DPH6: variants seen among roughly 807,000 people sequenced by gnomAD.
DPH6 encodes the protein diphthamine biosynthesis 6, also known as diphthine--ammonia ligase.
DPH6 carries 33 observed loss-of-function variants against 38.2 expected under a neutral mutation model. The observed-to-expected ratio is 0.86, with a 90% CI of 0.65 to 1.15. The LOEUF (loss-of-function observed/expected upper bound fraction) is 1.15. Among genes scored for constraint, DPH6 ranks in the 50% most tolerant of loss-of-function variants. DPH6 has a pLI of 0.00. For synonymous variants in DPH6, 108 were observed against 103.0 expected (o/e 1.05, Z -0.30); for missense variants, 325 against 320.0 (o/e 1.02, Z -0.12).
chr15:35,307,392 A>G (rs560216435), intron 3 of DPH6, among the ~76,000 whole-genome samples: 2 of 152,326 alleles, frequency 1.3e-5, no homozygotes, highest in South Asian at 2.1e-4. Context: ...TTTGAATGCT[A>G]TAAAAGCAAA....
At chr15:35,320,248 T>G (rs1355934677) in intron 3 of DPH6, among the ~76,000 whole-genome samples, 1 of 152,230 alleles carries the variant, frequency 6.6e-6, no homozygotes, top group African/African-American at 2.4e-5. Flanking sequence ...TTGCTAAGTT[T>G]GATGCCTCTC....
chr15:35,343,630 C>T (rs1173298882), intron 3 of DPH6, among the ~76,000 whole-genome samples: 1 of 151,910 alleles, frequency 6.6e-6, no homozygotes, highest in East Asian at 1.9e-4. Flanking sequence ...GAAGATGATT[C>T]TTAGATAAAT....
chr15:35,245,072 G>C (rs2051626810), intron 3 of DPH6, among the ~76,000 whole-genome samples: 1 of 151,736 alleles, frequency 6.6e-6, no homozygotes, highest in Admixed American at 6.6e-5. Flanking sequence ...TTGTTAGTGT[G>C]ATTTAAATAT....
chr15:35,485,373 T>C lies in DPH6; in HGVS notation c.313-30553A>G, dbSNP rs937625099. ...ACTACACAAATTGTATGTGAGGATA[T>C]GTTATCATGTCAAAACAACTAAATT... On this transcript the variant is annotated intron_variant, in intron 3 of 8. Coordinates refer to ENST00000256538, the MANE Select transcript of DPH6 (RefSeq NM_080650.4). Among the ~76,000 whole-genome samples, 4 of 152,366 alleles carry C rather than the reference T, an allele frequency of 2.6e-5. No homozygotes were observed. In the East Asian group the frequency reaches 7.7e-4, roughly 29 times the overall value.
chr15:35,361,173 C>G (rs2052611146), intron 3 of DPH6, among the ~76,000 whole-genome samples: 1 of 152,184 alleles, frequency 6.6e-6, no homozygotes, highest in Admixed American at 6.5e-5. Context: ...GCTAGCCTGC[C>G]ACTGGGGCAT....
At chr15:35,223,328 T>A (rs951747772) in intron 3 of DPH6, among the ~76,000 whole-genome samples, 5 of 152,148 alleles carry the variant, frequency 3.3e-5, no homozygotes, top group African/African-American at 2.4e-5. Context: ...CATTTGTCCA[T>A]TGATGAGGGT....
chr15:35,351,340 T>A (rs1431193259), intron 3 of DPH6, among the ~76,000 whole-genome samples: 2 of 152,086 alleles, frequency 1.3e-5, no homozygotes, highest in Non-Finnish European at 2.9e-5. Flanking sequence ...GATTGTGTTG[T>A]TTTTTTATTT....
rs556740783 is a variant in DPH6 at position 35,229,278 on chromosome 15, T to C, written n.201-8696A>G. On this transcript the variant is annotated intron_variant and non_coding_transcript_variant, in intron 3 of 3. Transcript: ENST00000560386. ...CTATGTATTTTCAAATAGACTGTCT[T>C]CAAGTTCACTAATTCTTTCTTCTGC... Among the ~76,000 whole-genome samples, 12 of 152,118 alleles carry C rather than the reference T, an allele frequency of 7.9e-5. No homozygotes were observed. In the South Asian group the frequency reaches 2.5e-3, roughly 32 times the overall value.
chr15:35,192,395 C>A, the DPH6 span, among the ~76,000 whole-genome samples: 16 of 152,160 alleles, frequency 1.1e-4, no homozygotes, highest in African/African-American at 3.9e-4. Flanking sequence ...CTTTATTCTA[C>A]CTTATCCTTT....
chr15:35,394,041 C>T (rs954122033), intron 6 of DPH6, among the ~76,000 whole-genome samples: 1 of 152,134 alleles, frequency 6.6e-6, no homozygotes, highest in Non-Finnish European at 1.5e-5. Flanking sequence ...TTCCACATTA[C>T]TATATTTTCT....
At chr15:35,358,386 C>T (rs935119126) in intron 3 of DPH6, among the ~76,000 whole-genome samples, 3 of 152,088 alleles carry the variant, frequency 2.0e-5, no homozygotes, top group Non-Finnish European at 4.4e-5. Context: ...TCAGGTAAAT[C>T]AGGGATTTCT....
intron 6 of DPH6, among the ~76,000 whole-genome samples, chr15:35,397,090 T>C (rs2053143608): frequency 6.6e-6 from 1 of 152,248 alleles, no homozygotes; most frequent in South Asian, 2.1e-4. Flanking sequence ...GAAGTCTGTA[T>C]TTTTAAATAT....
chr15:35,156,413 C>A, the DPH6 span, among the ~76,000 whole-genome samples: 1 of 152,054 alleles, frequency 6.6e-6, no homozygotes, highest in Non-Finnish European at 1.5e-5. Context: ...TAATAAATAT[C>A]TTCTTTTGCA....
chr15:35,283,819 G>GC (rs2051919701), intron 3 of DPH6, among the ~76,000 whole-genome samples: 1 of 150,770 alleles, frequency 6.6e-6, no homozygotes, highest in Non-Finnish European at 1.5e-5. Flanking sequence ...ACTTCTGAAT[G>GC]CCCTGGAAAA....
At chr15:35,486,259 A>G (rs2054396368) in intron 3 of DPH6, among the ~76,000 whole-genome samples, 1 of 152,124 alleles carries the variant, frequency 6.6e-6, no homozygotes, top group African/African-American at 2.4e-5. Flanking sequence ...CTCTCCCATG[A>G]TCCAATTATC....
chr15:35,182,579 T>C, the DPH6 span, among the ~76,000 whole-genome samples: 1 of 152,130 alleles, frequency 6.6e-6, no homozygotes, highest in Non-Finnish European at 1.5e-5. Flanking sequence ...CAAATTTTCA[T>C]TACAAAATGA....
chr15:35,462,166 C>T (rs990894291), intron 3 of DPH6, among the ~76,000 whole-genome samples: 10 of 152,150 alleles, frequency 6.6e-5, no homozygotes, highest in African/African-American at 2.4e-4. Flanking sequence ...ATCACCTCCA[C>T]TACTACCACT....
chr15:35,257,169 A>G (rs2051714065), intron 3 of DPH6, among the ~76,000 whole-genome samples: 1 of 152,210 alleles, frequency 6.6e-6, no homozygotes, highest in African/African-American at 2.4e-5. Flanking sequence ...AGCATAGCAT[A>G]CCAGGAAAGG....
At chr15:35,331,836 G>A (rs2052329132) in intron 3 of DPH6, among the ~76,000 whole-genome samples, 2 of 152,164 alleles carry the variant, frequency 1.3e-5, no homozygotes, top group Non-Finnish European at 2.9e-5. Context: ...GTTCCTGCAG[G>A]TGGTGGCAAG....
Sources: allele counts gnomAD v4.1 joint callset (sites outside exome capture counted in the v4.1 genomes callset), GRCh38; gene constraint gnomAD v4.1.1; transcripts MANE v1.5; gene names NCBI Gene and HGNC (gene_info 2026-07-23, HGNC 2026-07-21).